The following EIF2B5 variants were observed in gnomAD, a reference collection of about 807,000 sequenced individuals.
EIF2B5 encodes eukaryotic translation initiation factor 2B subunit epsilon, also known as translation initiation factor eIF2B subunit epsilon.
In EIF2B5, 38 loss-of-function variants were observed where a neutral mutation model predicts 87.3. That is an observed-to-expected ratio of 0.44 (90% CI 0.34 to 0.57). The LOEUF is 0.57. EIF2B5 is among the 20% of genes least tolerant of loss of function. EIF2B5 has a pLI of 0.02. For missense variants in EIF2B5, 784 were observed against 909.5 expected, an observed-to-expected ratio of 0.86 and a Z score of 1.78; for synonymous variants, 313 against 339.6, an observed-to-expected ratio of 0.92 and a Z score of 0.86.
intron 1 of EIF2B5, chr3:184,136,087 T>G (rs1713344684): frequency 4.6e-6 from 1 of 217,790 alleles, no homozygotes; most frequent in East Asian, 1.2e-4. Flanking sequence ...AGCCCCCGAG[T>G]TGTCTAGACA....
rs79356170 is a variant in EIF2B5, at chr3:184,140,853, C to T, written c.1156+123C>T. The T allele has an allele frequency of 3.2e-3, 3,642 of 1,153,136 alleles. 94 individuals carry two copies. The Admixed American group carries it at 0.038, about 12-fold the overall frequency. The allele number at this position is 1,153,136 out of a possible 1,614,324, so 71.4% of individuals were successfully genotyped here. On this transcript the variant is annotated intron_variant, in intron 7 of 15. Coordinates refer to ENST00000648915, the MANE Select transcript of EIF2B5 (RefSeq NM_003907.3). Reference sequence around the variant, plus strand: ...TCCCTGGGAATAAGGAACTATAGAGCGGCTACCTCAGGAAAGGAGGAAACA... The same window carrying T: ...TCCCTGGGAATAAGGAACTATAGAGTGGCTACCTCAGGAAAGGAGGAAACA...
chr3:184,144,991 C>T lies in EIF2B5; in HGVS notation c.*48C>T, dbSNP rs1244974019. 2 of 1,585,486 alleles carry T rather than the reference C, an allele frequency of 1.3e-6. No homozygotes were observed. Among genetic ancestry groups the T allele is most frequent in the African/African-American group, 1.3e-5 (1 of 74,462 alleles). On this transcript the variant is annotated 3_prime_UTR_variant, in exon 16 of 16. Transcript: ENST00000648915. ...GGTGTGATTGAGTGCCCTCCTGGCT[C>T]CTGGGCTGGGACAAGTGAGGAACTA...
Position 184,142,050 on chromosome 3 carries a change from C to T in EIF2B5, c.1282C>T (p.Arg428Cys), listed in dbSNP as rs779673887. 18 of 1,614,186 alleles carry T rather than the reference C, an allele frequency of 1.1e-5. No homozygotes were observed. Among genetic ancestry groups the T allele is most frequent in the East Asian group, 1.1e-4 (5 of 44,882 alleles). The change falls in exon 8 of 16, where the codon CGC becomes TGC. Residue 428 changes from arginine (R) to cysteine (C), a missense_variant. Transcript: ENST00000648915. The surrounding 1 kb of genome is among the most constrained non-coding windows in gnomAD (Gnocchi z 5.0). ...CAAGGAACGAGTGACACTGAAACCACGCTCTGTCCTCACTTCCCAGGTGAG... is the reference window on the plus strand; with the variant it reads ...CAAGGAACGAGTGACACTGAAACCATGCTCTGTCCTCACTTCCCAGGTGAG... ...EVKERVTLKPRSVLTSQVVVG... is the reference protein window; with the variant it reads ...EVKERVTLKPCSVLTSQVVVG...
rs1206059000 is a variant in EIF2B5 at position 184,142,614 on chromosome 3, C to T, written c.1546+11C>T. The stretch of plus-strand genomic sequence containing the variant: ...AGCAGAATCTGTGGGGTGAGCTAGG[C>T]CTGATGCCTGCCCTTCTCCTCCTGA... On this transcript the variant is annotated intron_variant, in intron 10 of 15. Transcript: ENST00000648915. The surrounding 1 kb of genome is among the most constrained non-coding windows in gnomAD (Gnocchi z 5.0). 9 of 1,611,038 alleles carry T rather than the reference C, an allele frequency of 5.6e-6. No homozygotes were observed. Among genetic ancestry groups the T allele is most frequent in the South Asian group, 1.1e-5 (1 of 90,734 alleles).
chr3:184,138,043 A>T lies in EIF2B5; in HGVS notation c.652A>T (p.Thr218Ser). ...AAACAGGGTTCTCCATTTTCAGAAG[A>T]CCCAGGGTCTCCGGCGTTTTGCATT... ...TTNRVLHFQK[T>S]QGLRRFAFPL... The change falls in exon 4 of 16, where the codon ACC (threonine) becomes TCC (serine). Residue 218 changes from threonine (T) to serine (S), a missense_variant. Thr to Ser is a moderately conservative substitution (Grantham distance 58, BLOSUM62 1). Coordinates refer to ENST00000648915, the MANE Select transcript of EIF2B5 (RefSeq NM_003907.3). 19 of 1,614,122 alleles carry T rather than the reference A, an allele frequency of 1.2e-5. No homozygotes were observed. Among genetic ancestry groups the T allele is most frequent in the Non-Finnish European group, 1.6e-5 (19 of 1,180,044 alleles).
intron 7 of EIF2B5, among the ~76,000 whole-genome samples, 159 bp from the exon 8 acceptor site, chr3:184,141,766 G>C (rs1713643602): frequency 6.6e-6 from 1 of 152,100 alleles, no homozygotes; most frequent in Non-Finnish European, 1.5e-5. Context: ...TCTCAGGCCT[G>C]GGCTTAGGGG....
chr3:184,139,805 C>T (rs1420729970), intron 5 of EIF2B5, among the ~76,000 whole-genome samples: 1 of 151,554 alleles, frequency 6.6e-6, no homozygotes, highest in Non-Finnish European at 1.5e-5. Context: ...ATCATGAGGT[C>T]AGGAGTTCAA....
chr3:184,140,476 C>T lies in EIF2B5; in HGVS notation c.902C>T (p.Ser301Phe), dbSNP rs1352915033. 1 of 1,614,162 alleles carries T rather than the reference C, an allele frequency of 6.2e-7. No homozygotes were observed. The highest frequency in any genetic ancestry group is 1.1e-5 in the South Asian group (1 of 91,088). ...GCTAAGGAATATGGTGCCCGTGTCT[C>T]CAACCTACACATGTACTCAGCTGTC... ...VTAKEYGARV[S>F]NLHMYSAVCA... The change falls in exon 7 of 16, where the codon TCC becomes TTC. Residue 301 changes from serine to phenylalanine, a missense_variant. Physicochemically the swap from Ser to Phe is radical, Grantham distance 155. Around this residue, in one of 3 missense-constraint regions of EIF2B5, gnomAD observed 660 missense variants for 789.5 expected, o/e 0.84. Coordinates refer to ENST00000648915, the MANE Select transcript of EIF2B5 (RefSeq NM_003907.3).
Position 184,144,697 on chromosome 3 carries a change from A to G in EIF2B5, c.2096A>G (p.Lys699Arg). 6.2e-7 allele frequency: 1 copy of G among 1,613,876 alleles called. No homozygotes were observed. Among genetic ancestry groups the G allele is most frequent in the Non-Finnish European group, 8.5e-7 (1 of 1,179,896 alleles). The change falls in exon 15 of 16, where the codon AAG becomes AGG. Residue 699 changes from lysine (K) to arginine (R), a missense_variant. Around this residue, in one of 3 missense-constraint regions of EIF2B5, gnomAD observed 660 missense variants for 789.5 expected, o/e 0.84. Transcript: ENST00000648915. The stretch of plus-strand genomic sequence containing the variant: ...ACTGACAAGGGCCAGCAGTTGCGCA[A>G]GAATCAACAGGTGCGTCAGGCTGTC... ...DTTDKGQQLR[K>R]NQQLQRFIQW...
intron 5 of EIF2B5, 91 bp from the exon 6 acceptor site, chr3:184,139,989 C>T (rs890809187): frequency 2.8e-6 from 3 of 1,065,144 alleles, no homozygotes; most frequent in African/African-American, 3.2e-5. Context: ...TGCAACTGCA[C>T]TCCAGCCTGG....
At chr3:184,144,570 G>C in intron 14 of EIF2B5, 27 bp from the exon 15 acceptor site, 1 of 1,602,244 alleles carries the variant, frequency 6.2e-7, no homozygotes, top group Non-Finnish European at 8.5e-7. Flanking sequence ...CAAGGCCCCT[G>C]AGGTCCCCTT....
At position 184,143,040 on chromosome 3, in the gene EIF2B5, C is replaced by T; in HGVS notation, c.1655-12C>T. The stretch of plus-strand genomic sequence containing the variant: ...ATGTTGGCCCATGAACTTATCCTTG[C>T]TTTGATTTCAGTGTTCCAGAATGAA... On this transcript the variant is annotated splice_polypyrimidine_tract_variant and intron_variant, in intron 11 of 15. Transcript: ENST00000648915. The T allele has an allele frequency of 6.2e-7, 1 of 1,612,152 alleles. No individual in the cohort carries two copies. The highest frequency in any genetic ancestry group is 8.5e-7 in the Non-Finnish European group (1 of 1,179,104).
In EIF2B5 at chr3:184,140,074, C is replaced by T. The variant is rs1159871774; in HGVS notation, c.766-6C>T. ...AATTCTAGCCCACTCCACTTCCCTT[C>T]CACAGGTGGCACAACTCTTTACAGA... On this transcript the variant is annotated splice_polypyrimidine_tract_variant and splice_region_variant and intron_variant, in intron 5 of 15. Transcript: ENST00000648915. 1.2e-6 allele frequency: 2 copies of T among 1,611,514 alleles called. No individual in the cohort carries two copies. Among genetic ancestry groups the T allele is most frequent in the Non-Finnish European group, 1.7e-6 (2 of 1,178,218 alleles).
chr3:184,140,269 A>G, intron 6 of EIF2B5, 112 bp downstream of exon 6: 1 of 1,403,346 alleles, frequency 7.1e-7, no homozygotes, highest in Non-Finnish European at 1.0e-6. Context: ...GGAGGGAGGA[A>G]AAGCAGGGGA....
chr3:184,137,434 T>C (rs1052249236), intron 2 of EIF2B5, 186 bp from the exon 3 acceptor site: 35 of 653,042 alleles, frequency 5.4e-5, no homozygotes, highest in South Asian at 4.4e-4. Flanking sequence ...AAAACAAGAC[T>C]GGTGACACAG....
intron 7 of EIF2B5, among the ~76,000 whole-genome samples, chr3:184,141,263 C>G (rs1713623225): frequency 6.6e-6 from 1 of 152,130 alleles, no homozygotes; most frequent in African/African-American, 2.4e-5. Context: ...TTTCCAAGAA[C>G]AACAGTAAGG....
chr3:184,137,274 A>G (rs1293946269), intron 2 of EIF2B5: 1 of 408,552 alleles, frequency 2.4e-6, no homozygotes. Flanking sequence ...CCTAAATGTT[A>G]TATGGATTGC....
Position 184,140,669 on chromosome 3 carries a change from C to T in EIF2B5, c.1095C>T (p.Gly365=). 2 of 1,614,190 alleles carry T rather than the reference C, an allele frequency of 1.2e-6. No individual in the cohort carries two copies. The highest frequency in any genetic ancestry group is 1.7e-5 in the Admixed American group (1 of 60,014). The part of the protein sequence containing the change: ...ILEENVLLGS[G]TVIGSNCFIT... ...AGGAAAATGTGCTCCTGGGCTCTGG[C>T]ACTGTCATTGGCAGCAATTGCTTTA... Residue 365 remains glycine (G), a synonymous_variant, in exon 7 of 16, where the codon GGC becomes GGT. Transcript: ENST00000648915.
At chr3:184,143,024 C>T (rs184797969) in intron 11 of EIF2B5, 28 bp from the exon 12 acceptor site, 53 of 1,607,606 alleles carry the variant, frequency 3.3e-5, no homozygotes, top group Non-Finnish European at 4.3e-5. Context: ...GATGTTGGCC[C>T]ATGAACTTAT....
Sources: gnomAD v4.1 joint callset for allele counts (sites outside exome capture counted in the v4.1 genomes callset) on GRCh38, gnomAD v4.1.1 for gene constraint, gnomAD v4.1.1 regional missense constraint, Gnocchi (gnomAD v3.1) non-coding constraint, MANE v1.5 for transcripts, NCBI Gene and HGNC (gene_info 2026-07-23, HGNC 2026-07-21) for gene names.